The following ZNF827 variants were observed in gnomAD, a reference collection of about 807,000 sequenced individuals.
The protein encoded by ZNF827 is zinc finger protein 827.
In ZNF827, 13 loss-of-function variants were observed where a neutral mutation model predicts 102.4. The ratio of observed to expected loss-of-function variants is 0.13; its 90% CI spans 0.08 to 0.20. The LOEUF (loss-of-function observed/expected upper bound fraction) is 0.20, where lower values mean the gene tolerates loss of function less well. ZNF827 is among the 10% of genes least tolerant of loss of function. ZNF827 has a pLI of 1.00. For missense variants in ZNF827, 1,103 were observed against 1,344.4 expected (o/e 0.82, Z 2.81); for synonymous variants, 523 against 536.2 (o/e 0.98, Z 0.34).
chr4:145,937,864 A>C (rs1362329000), intron 1 of ZNF827, among the ~76,000 whole-genome samples: 9 of 115,248 alleles, frequency 7.8e-5, no homozygotes, highest in South Asian at 3.0e-4. Context: ...TCTCCCCGAC[A>C]CCCCCAAACG....
chr4:145,804,629 T>TGGA (rs1741227363), intron 8 of ZNF827, among the ~76,000 whole-genome samples: 1 of 152,206 alleles, frequency 6.6e-6, no homozygotes, highest in Admixed American at 6.5e-5. Context: ...AACTGGTACA[T>TGGA]TTAGTTGAAA....
intron 10 of ZNF827, 70 bp downstream of exon 10, chr4:145,775,719 C>T: frequency 1.9e-6 from 3 of 1,579,790 alleles, no homozygotes; most frequent in East Asian, 2.2e-5. Flanking sequence ...ATGCCCACAG[C>T]AGACAGGTAG....
chr4:145,786,385 C>T (rs781634319), intron 8 of ZNF827, among the ~76,000 whole-genome samples: 5 of 152,138 alleles, frequency 3.3e-5, no homozygotes, highest in Non-Finnish European at 5.9e-5. Flanking sequence ...AAAAGATTGG[C>T]CAAAATATGA....
chr4:145,811,330 TGTAA>T (rs1378377715), intron 8 of ZNF827, among the ~76,000 whole-genome samples: 1 of 152,182 alleles, frequency 6.6e-6, no homozygotes, highest in African/African-American at 2.4e-5. Context: ...GAGTATTTCA[TGTAA>T]GTATTACATT....
intron 4 of ZNF827, 182 bp from the exon 5 acceptor site, chr4:145,870,660 A>G (rs1391683024): frequency 7.2e-6 from 4 of 557,262 alleles, no homozygotes; most frequent in South Asian, 5.1e-5. Flanking sequence ...TGGGCCTACA[A>G]CTCTGAGGAG....
chr4:145,899,595 C>A (rs544873753), intron 2 of ZNF827, among the ~76,000 whole-genome samples: 1 of 152,186 alleles, frequency 6.6e-6, no homozygotes, highest in Admixed American at 6.5e-5. Context: ...AGAACTTGAA[C>A]GTAGGATGGG....
chr4:145,896,012 A>G (rs1374244008), intron 2 of ZNF827, among the ~76,000 whole-genome samples: 1 of 152,234 alleles, frequency 6.6e-6, no homozygotes, highest in Non-Finnish European at 1.5e-5. Context: ...TAAGAAAACA[A>G]GTGGGATGAA....
At chr4:145,874,133 G>A (rs1384609098) in intron 4 of ZNF827, among the ~76,000 whole-genome samples, 2 of 152,142 alleles carry the variant, frequency 1.3e-5, no homozygotes, top group African/African-American at 4.8e-5. Context: ...CAGAGTATAT[G>A]CTATAAGAGA....
intron 7 of ZNF827, among the ~76,000 whole-genome samples, chr4:145,838,614 A>G (rs1276640587): frequency 1.3e-5 from 2 of 152,204 alleles, no homozygotes; most frequent in Non-Finnish European, 2.9e-5. Flanking sequence ...AAACCTGAAT[A>G]CTATGCAAAC....
Position 145,775,801 on chromosome 4 carries a change from G to C in ZNF827, c.2681C>G (p.Pro894Arg). The change falls in exon 10 of 15, where the codon CCT (proline) becomes CGT (arginine). Residue 894 changes from proline to arginine, a missense_variant. Physicochemically the swap from Pro to Arg is moderately radical, Grantham distance 103 (BLOSUM62 -2). This residue lies in a region of ZNF827 where 242 missense variants were observed against 361.9 expected (regional missense o/e 0.67). Coordinates refer to ENST00000508784, the MANE Select transcript of ZNF827 (RefSeq NM_001306215.2). ...TSEGSDGKKHPYYYSCHVCGF... is the reference protein window; with the variant it reads ...TSEGSDGKKHRYYYSCHVCGF... Reference sequence around the variant, plus strand: ...ATCTGCAACTCACCTGTAATAATAAGGATGTTTCTTCCCATCACTGCCTTC... The same window carrying C: ...ATCTGCAACTCACCTGTAATAATAACGATGTTTCTTCCCATCACTGCCTTC... The C allele has an allele frequency of 6.2e-7, 1 of 1,614,166 alleles. No homozygotes were observed. The highest frequency in any genetic ancestry group is 8.5e-7 in the Non-Finnish European group (1 of 1,180,032).
intron 5 of ZNF827, among the ~76,000 whole-genome samples, chr4:145,862,874 C>T (rs529940827): frequency 1.3e-5 from 2 of 151,926 alleles, no homozygotes; most frequent in East Asian, 3.9e-4. Flanking sequence ...TCACAAGCAA[C>T]AAAAGAAAAA....
rs762967383 is a variant in ZNF827 at position 145,759,762 on chromosome 4, T to C, written c.*1854A>G. The C allele has an allele frequency of 2.0e-5, 3 of 152,194 alleles. No homozygotes were observed. The highest frequency in any genetic ancestry group is 7.2e-5 in the African/African-American group (3 of 41,446). 9.4% of individuals were successfully genotyped at this position (152,194 alleles called of 1,614,324 possible). On this transcript the variant is annotated 3_prime_UTR_variant, in exon 15 of 15. Coordinates refer to ENST00000508784, the MANE Select transcript of ZNF827 (RefSeq NM_001306215.2). ...GTGCAAAACTGCCATTTCTTTTTTTTAGTCTGAGCATTTATACCCAGAATT... is the reference window on the plus strand; with the variant it reads ...GTGCAAAACTGCCATTTCTTTTTTTCAGTCTGAGCATTTATACCCAGAATT...
intron 7 of ZNF827, chr4:145,835,114 G>T (rs895503765): frequency 4.6e-5 from 7 of 152,186 alleles, no homozygotes; most frequent in African/African-American, 1.7e-4. Flanking sequence ...CTGAAAATCG[G>T]ACTGTTCAAC....
At position 145,880,018 on chromosome 4, in the gene ZNF827, C is replaced by T. The variant is rs535046675; in HGVS notation, c.1747+5660G>A. Among the ~76,000 whole-genome samples, 96 of 152,246 alleles carry T rather than the reference C, an allele frequency of 6.3e-4. No individual in the cohort carries two copies. The South Asian group carries it at 0.02, about 32-fold the overall frequency. ...TTGGGAGGCCGAGGCAGCCAGATCA[C>T]GAGGTCAGGAGTTCAAGACCAGCCT... On this transcript the variant is annotated intron_variant, in intron 4 of 14. Transcript: ENST00000508784.
In ZNF827 at chr4:145,921,072, G is replaced by A. The variant is rs114786773; in HGVS notation, c.43+17293C>T. On this transcript the variant is annotated intron_variant, in intron 1 of 14. Coordinates refer to ENST00000508784, the MANE Select transcript of ZNF827 (RefSeq NM_001306215.2). ...TCTACCCAGCATGTGGGACAATGCA[G>A]GAGGGGAAGCAGGAAAGGCTTCTCA... 6.3e-3 allele frequency among the ~76,000 whole-genome samples: 952 copies of A among 152,316 alleles called. 7 individuals carry two copies. Among genetic ancestry groups the A allele is most frequent in the African/African-American group, 0.022 (909 of 41,572 alleles).
Position 145,849,561 on chromosome 4 carries a change from G to A in ZNF827, c.1982C>T (p.Ala661Val), listed in dbSNP as rs1746322513. 1 of 1,613,680 alleles carries A rather than the reference G, an allele frequency of 6.2e-7. No individual in the cohort carries two copies. The highest frequency in any genetic ancestry group is 8.5e-7 in the Non-Finnish European group (1 of 1,179,704). Residue 661 changes from alanine (A) to valine (V), a missense_variant and splice_region_variant, in exon 6 of 15, where the codon GCG (alanine) becomes GTG (valine). Ala to Val is a moderately conservative substitution (Grantham distance 64). This residue lies in a region of ZNF827 where 243 missense variants were observed against 251.6 expected (regional missense o/e 0.97). Transcript: ENST00000508784. Reference protein sequence around the residue: ...AASELLMKLSAESYKETQMVK... With the variant: ...AASELLMKLSVESYKETQMVK... ...CATCTGTGTTTCCTTGTAGCTTTCC[G>A]CTGCAAGTAGGTGAATGAAGAGAAA...
At position 145,808,290 on chromosome 4, in the gene ZNF827, T is replaced by TAC. The variant is rs560927054; in HGVS notation, c.2383+15130_2383+15131dup. On this transcript the variant is annotated intron_variant, in intron 8 of 14. Transcript: ENST00000508784. ...TCTAATCTTTTTTTATAAATCATTC[T>TAC]ACCTCCAGGCTATCCCACTCCCTCA... 3.1e-3 allele frequency among the ~76,000 whole-genome samples: 479 copies of TAC among 152,276 alleles called. 2 individuals carry two copies. Among genetic ancestry groups the TAC allele is most frequent in the Non-Finnish European group, 3.4e-3 (230 of 68,018 alleles).
At chr4:145,923,832 GATAA>G (rs2126971501) in intron 1 of ZNF827, among the ~76,000 whole-genome samples, 1 of 152,226 alleles carries the variant, frequency 6.6e-6, no homozygotes, top group African/African-American at 2.4e-5. Context: ...CCATGATATA[GATAA>G]ATAGATACAA....
intron 5 of ZNF827, among the ~76,000 whole-genome samples, chr4:145,850,240 C>A (rs2126660485): frequency 6.6e-6 from 1 of 152,250 alleles, no homozygotes; most frequent in South Asian, 2.1e-4. Context: ...CAACTCCTGA[C>A]CTCAGGTGAT....
Sources: gnomAD v4.1 joint callset for allele counts (sites outside exome capture counted in the v4.1 genomes callset) on GRCh38, gnomAD v4.1.1 for gene constraint, gnomAD v4.1.1 regional missense constraint, MANE v1.5 for transcripts, NCBI Gene and HGNC (gene_info 2026-07-23, HGNC 2026-07-21) for gene names.